The following RNGTT variants were observed in gnomAD, a reference collection of about 807,000 sequenced individuals.
The protein encoded by RNGTT is RNA guanylyltransferase and 5'-phosphatase.
In RNGTT, 33 loss-of-function variants were observed where a neutral mutation model predicts 79.3. The observed-to-expected ratio is 0.42, with a 90% CI of 0.32 to 0.56. The LOEUF is 0.56. Among genes scored for constraint, RNGTT ranks in the 20% least tolerant of loss-of-function variants. The pLI, the probability that RNGTT is intolerant of heterozygous loss-of-function variation, is 0.17. For missense variants in RNGTT, 497 were observed against 739.1 expected (o/e 0.67, Z 3.80); for synonymous variants, 222 against 235.9 (o/e 0.94, Z 0.54).
chr6:88,758,433 T>A (rs147749561), intron 13 of RNGTT, among the ~76,000 whole-genome samples: 1 of 152,308 alleles, frequency 6.6e-6, no homozygotes, highest in African/African-American at 2.4e-5. Flanking sequence ...TATACTTTCG[T>A]CGAAAGGTGT....
At chr6:88,674,475 G>C (rs1368441704) in intron 14 of RNGTT, among the ~76,000 whole-genome samples, 1 of 152,092 alleles carries the variant, frequency 6.6e-6, no homozygotes, top group East Asian at 1.9e-4. Context: ...AGAGGCCAAC[G>C]CTGCAGTAAG....
rs149652066 is a variant in RNGTT, at chr6:88,726,473, T to C, written c.1439+43301A>G. Among the ~76,000 whole-genome samples, 821 of 151,624 alleles carry C rather than the reference T, an allele frequency of 5.4e-3. 11 individuals are homozygous for C. Among genetic ancestry groups the C allele is most frequent in the South Asian group, 0.027 (127 of 4,782 alleles). On this transcript the variant is annotated intron_variant, in intron 13 of 15. Transcript: ENST00000369485. ...AGGCTATTCCATTAGAAAAAGATGA[T>C]TTAACATTAACCACTGAAAATTCCC...
intron 4 of RNGTT, among the ~76,000 whole-genome samples, 155 bp downstream of exon 4, chr6:88,928,830 C>T (rs948885609): frequency 1.3e-5 from 2 of 152,092 alleles, no homozygotes; most frequent in African/African-American, 4.8e-5. Context: ...ACATTTATTA[C>T]ATAATTCACA....
chr6:88,894,577 G>A (rs2127936600), intron 6 of RNGTT, among the ~76,000 whole-genome samples: 1 of 152,254 alleles, frequency 6.6e-6, no homozygotes, highest in Non-Finnish European at 1.5e-5. Context: ...TGCAAGGCCT[G>A]AGTTGAAGGA....
chr6:88,871,488 T>C (rs955524670), intron 8 of RNGTT, among the ~76,000 whole-genome samples: 1 of 152,176 alleles, frequency 6.6e-6, no homozygotes, highest in African/African-American at 2.4e-5. Flanking sequence ...GACTTATATG[T>C]TACAACAAAT....
chr6:88,828,690 T>C (rs1378237063), intron 11 of RNGTT, among the ~76,000 whole-genome samples: 1 of 151,724 alleles, frequency 6.6e-6, no homozygotes, highest in Non-Finnish European at 1.5e-5. Context: ...TTAGAGAACA[T>C]ACATGACCTG....
chr6:88,692,285 C>T (rs1421269780), intron 13 of RNGTT, among the ~76,000 whole-genome samples: 1 of 152,104 alleles, frequency 6.6e-6, no homozygotes, highest in Non-Finnish European at 1.5e-5. Flanking sequence ...TGGTTATTTG[C>T]CAGCCCCTGC....
chr6:88,643,156 G>GA (rs946196941), intron 14 of RNGTT, among the ~76,000 whole-genome samples: 12 of 151,112 alleles, frequency 7.9e-5, no homozygotes, highest in South Asian at 4.2e-4. Flanking sequence ...TTACATTTGG[G>GA]AAAAAAAATC....
intron 8 of RNGTT, among the ~76,000 whole-genome samples, chr6:88,884,993 C>A (rs1782809790): frequency 6.6e-6 from 1 of 151,928 alleles, no homozygotes; most frequent in African/African-American, 2.4e-5. Flanking sequence ...TTCAATAAAT[C>A]CTATGGCAGT....
chr6:88,737,877 A>C (rs747229144), intron 13 of RNGTT, among the ~76,000 whole-genome samples: 25 of 152,176 alleles, frequency 1.6e-4, no homozygotes, highest in Non-Finnish European at 3.2e-4. Context: ...ATCCTCAACA[A>C]ATTATTACCA....
intron 11 of RNGTT, among the ~76,000 whole-genome samples, chr6:88,810,064 A>T (rs1040677): frequency 0.2 from 29,608 of 151,754 alleles, 3,564 homozygotes; most frequent in African/African-American, 0.33. Flanking sequence ...GCAAAAAAAA[A>T]TTTTTTACCC....
chr6:88,860,565 CCT>C (rs1781979901), intron 8 of RNGTT, among the ~76,000 whole-genome samples: 1 of 152,158 alleles, frequency 6.6e-6, no homozygotes, highest in South Asian at 2.1e-4. Flanking sequence ...GTTCCTGTGC[CCT>C]GACCTTGGCT....
intron 12 of RNGTT, among the ~76,000 whole-genome samples, chr6:88,798,212 C>T (rs1489204976): frequency 6.6e-6 from 1 of 151,924 alleles, no homozygotes; most frequent in Admixed American, 6.6e-5. Context: ...TACCTGTAAT[C>T]CCAGCACTTT....
At chr6:88,865,242 A>G (rs1326625063) in intron 8 of RNGTT, among the ~76,000 whole-genome samples, 1 of 152,058 alleles carries the variant, frequency 6.6e-6, no homozygotes, top group Non-Finnish European at 1.5e-5. Context: ...GTACTTAATT[A>G]AAGCTAGATA....
chr6:88,774,808 T>G (rs966696822), intron 12 of RNGTT, among the ~76,000 whole-genome samples: 4 of 152,144 alleles, frequency 2.6e-5, no homozygotes, highest in Admixed American at 6.5e-5. Flanking sequence ...CACCCAGGGC[T>G]ACAGTATGGA....
intron 8 of RNGTT, among the ~76,000 whole-genome samples, chr6:88,855,558 A>C (rs1251755751): frequency 6.6e-6 from 1 of 152,114 alleles, no homozygotes; most frequent in Admixed American, 6.5e-5. Flanking sequence ...AATAGAAAAA[A>C]ATTTTTTTAA....
intron 13 of RNGTT, among the ~76,000 whole-genome samples, chr6:88,747,775 G>T (rs1777710918): frequency 6.6e-6 from 1 of 152,294 alleles, no homozygotes; most frequent in Middle Eastern, 3.4e-3. Flanking sequence ...ACCTGCAGAA[G>T]AATCTGTTTC....
At chr6:88,828,626 G>A (rs186926205) in intron 11 of RNGTT, among the ~76,000 whole-genome samples, 7 of 151,984 alleles carry the variant, frequency 4.6e-5, no homozygotes, top group Admixed American at 1.3e-4. Flanking sequence ...AACCCAATGC[G>A]AATCTGAGAA....
intron 12 of RNGTT, among the ~76,000 whole-genome samples, chr6:88,785,017 C>T (rs1338370703): frequency 6.6e-6 from 1 of 151,850 alleles, no homozygotes; most frequent in East Asian, 1.9e-4. Context: ...ATTTCTGAAC[C>T]ACGTGATTGT....
Sources: allele counts gnomAD v4.1 joint callset (sites outside exome capture counted in the v4.1 genomes callset), GRCh38; gene constraint gnomAD v4.1.1; transcripts MANE v1.5; gene names NCBI Gene and HGNC (gene_info 2026-07-23, HGNC 2026-07-21).